ARMC9: variants seen among roughly 807,000 people sequenced by gnomAD.
ARMC9 encodes the protein armadillo repeat containing 9.
In ARMC9, 94 loss-of-function variants were observed where a neutral mutation model predicts 107.0. The observed-to-expected ratio is 0.88, with a 90% confidence interval of 0.74 to 1.04. ARMC9 has a LOEUF of 1.04. Among genes scored for constraint, ARMC9 ranks in the 50% least tolerant of loss-of-function variants. The pLI, the probability that ARMC9 is intolerant of heterozygous loss-of-function variation, is 0.00. For synonymous variants in ARMC9, 380 were observed against 396.9 expected, an observed-to-expected ratio of 0.96 and a Z score of 0.51; for missense variants, 942 against 1,030.1, an observed-to-expected ratio of 0.91 and a Z score of 1.17.
At chr2:231,254,137 AG>A (rs954075038) in intron 9 of ARMC9, among the ~76,000 whole-genome samples, 2 of 152,226 alleles carry the variant, frequency 1.3e-5, no homozygotes, top group African/African-American at 4.8e-5. Context: ...CATGAATTCC[AG>A]AAGGATGAAA....
intron 23 of ARMC9, among the ~76,000 whole-genome samples, chr2:231,368,539 T>C (rs2045900422): frequency 6.6e-6 from 1 of 152,204 alleles, no homozygotes; most frequent in Non-Finnish European, 1.5e-5. Context: ...CAGGAGCCTG[T>C]AACTGTACCC....
chr2:231,269,379 G>T (rs1021098056), intron 12 of ARMC9, among the ~76,000 whole-genome samples: 1 of 149,108 alleles, frequency 6.7e-6, no homozygotes, highest in Non-Finnish European at 1.5e-5. Flanking sequence ...CCACTCTTTA[G>T]GAGATTTCTT....
chr2:231,230,353 CA>C (rs1242592062), intron 7 of ARMC9, among the ~76,000 whole-genome samples: 28 of 136,824 alleles, frequency 2.0e-4, no homozygotes, highest in East Asian at 4.1e-4. Flanking sequence ...GACTCCGTCT[CA>C]AAAAAAAAAA....
chr2:231,306,291 C>T (rs1412846248), intron 19 of ARMC9, among the ~76,000 whole-genome samples: 2 of 152,132 alleles, frequency 1.3e-5, no homozygotes, highest in Admixed American at 6.6e-5. Context: ...TAGTATGTCT[C>T]CATTGTTTTG....
At chr2:231,317,903 T>C (rs1418604310) in intron 19 of ARMC9, among the ~76,000 whole-genome samples, 1 of 152,140 alleles carries the variant, frequency 6.6e-6, no homozygotes, top group South Asian at 2.1e-4. Context: ...GTATTTTTTT[T>C]AAAACTTCTG....
intron 20 of ARMC9, among the ~76,000 whole-genome samples, chr2:231,339,924 A>G (rs1575136907): frequency 1.3e-5 from 2 of 152,176 alleles, no homozygotes; most frequent in African/African-American, 4.8e-5. Flanking sequence ...CAAGAGTGAA[A>G]CTCTGTCTCA....
At chr2:231,205,191 T>A (rs146553629) in intron 1 of ARMC9, among the ~76,000 whole-genome samples, 74 of 149,434 alleles carry the variant, frequency 5.0e-4, no homozygotes, top group African/African-American at 1.7e-3. Flanking sequence ...CCTGTCTCCC[T>A]GTCTCTACTT....
chr2:231,324,123 C>CTTTTTTTTTTTTTTTTTT (rs71296842), intron 19 of ARMC9, among the ~76,000 whole-genome samples: 3 of 89,272 alleles, frequency 3.4e-5, no homozygotes, highest in African/African-American at 9.2e-5. Context: ...TTGTAAAGTA[C>CTTTTTTTTTTTTTTTTTT]TTTTTTTTTT....
chr2:231,318,529 C>G (rs895089820), intron 19 of ARMC9, among the ~76,000 whole-genome samples: 3 of 152,174 alleles, frequency 2.0e-5, no homozygotes, highest in Admixed American at 6.5e-5. Flanking sequence ...AGCTGTCCCC[C>G]TTCAATTTCT....
intron 19 of ARMC9, among the ~76,000 whole-genome samples, chr2:231,326,937 A>G (rs1363323573): frequency 6.6e-6 from 1 of 152,052 alleles, no homozygotes; most frequent in Admixed American, 6.6e-5. Flanking sequence ...TGGCTAGATG[A>G]TCTTAGGGAA....
intron 16 of ARMC9, among the ~76,000 whole-genome samples, chr2:231,279,197 G>T (rs1468984076): frequency 6.6e-6 from 1 of 152,206 alleles, no homozygotes; most frequent in Non-Finnish European, 1.5e-5. Context: ...ACTAGCGTTT[G>T]CTCTCACCAG....
rs1460339425 is a variant in ARMC9 at position 231,373,514 on chromosome 2, C to T, written c.*1979C>T. 1 of 152,146 alleles carries T rather than the reference C, an allele frequency of 6.6e-6. No individual in the cohort carries two copies. The highest frequency in any genetic ancestry group is 1.5e-5 in the Non-Finnish European group (1 of 68,054). The allele number at this position is 152,146 out of a possible 1,614,324, so 9.4% of individuals were successfully genotyped here. ...CTTTTCCCTCAAGCCTACCAAAGAG[C>T]TAAAGTCTGATCTGTAGATGTCTGA... is the stretch of plus-strand genomic sequence containing the variant. On this transcript the variant is annotated 3_prime_UTR_variant, in exon 25 of 25. Transcript: ENST00000611582. The surrounding 1 kb of genome is among the most constrained non-coding windows in gnomAD (Gnocchi z 4.4).
intron 4 of ARMC9, 23 bp from the exon 5 acceptor site, chr2:231,216,615 A>G: frequency 6.2e-7 from 1 of 1,610,042 alleles, no homozygotes; most frequent in Non-Finnish European, 8.5e-7. Flanking sequence ...GAGACCTCAA[A>G]CAAGTGTTTT....
chr2:231,295,784 A>T (rs910866184), intron 18 of ARMC9: 1 of 153,636 alleles, frequency 6.5e-6, no homozygotes, highest in Non-Finnish European at 1.4e-5. Flanking sequence ...AGTGAGACCA[A>T]GAAGTCTCTC....
At chr2:231,248,474 T>G (rs2036975880) in intron 9 of ARMC9, among the ~76,000 whole-genome samples, 1 of 152,046 alleles carries the variant, frequency 6.6e-6, no homozygotes, top group Admixed American at 6.6e-5. Flanking sequence ...TAGGGTGAAG[T>G]GGTTTTCATC....
intron 19 of ARMC9, among the ~76,000 whole-genome samples, chr2:231,317,887 T>C (rs2042790719): frequency 6.6e-6 from 1 of 152,156 alleles, no homozygotes; most frequent in Non-Finnish European, 1.5e-5. Flanking sequence ...TTTTCACTGA[T>C]TTTCAGTATT....
Position 231,331,851 on chromosome 2 carries a change from T to C in ARMC9, c.1832T>C (p.Leu611Pro). ...LDKDELIQPQLGELSGEKLLT... is the reference protein window; with the variant it reads ...LDKDELIQPQPGELSGEKLLT... ...AAAGACGAACTGATCCAGCCCCAGC[T>C]CGGAGAACTCTCAGGAGAGAAGCTT... The change falls in exon 20 of 25, where the codon CTC becomes CCC. Residue 611 changes from leucine (L) to proline (P), a missense_variant. Transcript: ENST00000611582. The C allele has an allele frequency of 2.5e-6, 4 of 1,614,030 alleles. No homozygotes were observed. The highest frequency in any genetic ancestry group is 3.4e-6 in the Non-Finnish European group (4 of 1,179,952).
intron 9 of ARMC9, 130 bp from the exon 10 acceptor site, chr2:231,256,456 A>C (rs1234934019): frequency 4.6e-6 from 6 of 1,318,170 alleles, no homozygotes; most frequent in Non-Finnish European, 6.4e-6. Flanking sequence ...TAAAAAAAAA[A>C]ACCAAAAAAA....
In ARMC9 at chr2:231,262,394, A is replaced by G. The variant is rs781751507; in HGVS notation, c.1115A>G (p.Asn372Ser). The G allele has an allele frequency of 3.7e-6, 6 of 1,613,998 alleles. No individual in the cohort carries two copies. Among genetic ancestry groups the G allele is most frequent in the East Asian group, 2.2e-5 (1 of 44,870 alleles). ...SNDLLDCYSH[N>S]QRSVLQLLHS... ...GACCTCTTGGACTGTTATAGCCACAACCAGGTTGGTAAGAGGTGGGGCCAG... is the reference window on the plus strand; with the variant it reads ...GACCTCTTGGACTGTTATAGCCACAGCCAGGTTGGTAAGAGGTGGGGCCAG... The change falls in exon 12 of 25, where the codon AAC becomes AGC. Residue 372 changes from asparagine to serine, a missense_variant. By Grantham distance (46) the Asn-to-Ser change is conservative (BLOSUM62 1). Coordinates refer to ENST00000611582, the MANE Select transcript of ARMC9 (RefSeq NM_001352754.2).
Sources: allele counts gnomAD v4.1 joint callset (sites outside exome capture counted in the v4.1 genomes callset), GRCh38; gene constraint gnomAD v4.1.1; non-coding constraint Gnocchi (gnomAD v3.1); transcripts MANE v1.5; gene names NCBI Gene and HGNC (gene_info 2026-07-23, HGNC 2026-07-21).